CEP63: variants seen among roughly 807,000 people sequenced by gnomAD.
The protein encoded by CEP63 is centrosomal protein 63, also known as centrosomal protein of 63 kDa.
A neutral mutation model predicts 89.1 loss-of-function variants in CEP63; 84 were observed. The observed-to-expected ratio is 0.94, with a 90% CI of 0.79 to 1.13. CEP63 has a LOEUF of 1.13. Among genes scored for constraint, CEP63 ranks in the 50% most tolerant of loss-of-function variants. CEP63 has a pLI of 0.00. For missense variants in CEP63, 838 were observed against 813.3 expected (o/e 1.03, Z -0.37); for synonymous variants, 267 against 272.5 (o/e 0.98, Z 0.20).
chr3:134,603,289 G>C, the CEP63 span: 1 of 288,544 alleles, frequency 3.5e-6, no homozygotes, highest in Admixed American at 5.0e-5. Context: ...ACTAATACGA[G>C]AAGGGGCATC....
the CEP63 span, among the ~76,000 whole-genome samples, chr3:134,703,415 T>C: frequency 0.023 from 3,463 of 152,016 alleles, 108 homozygotes; most frequent in African/African-American, 0.071. Flanking sequence ...GGAAATGTGG[T>C]ACATGTACAC....
the CEP63 span, among the ~76,000 whole-genome samples, chr3:134,637,009 A>G: frequency 6.6e-6 from 1 of 152,346 alleles, no homozygotes; most frequent in Non-Finnish European, 1.5e-5. Context: ...TTCATAGAAT[A>G]ACAATACTGT....
the CEP63 span, among the ~76,000 whole-genome samples, chr3:134,630,862 A>G: frequency 6.6e-6 from 1 of 152,230 alleles, no homozygotes; most frequent in African/African-American, 2.4e-5. Flanking sequence ...AATAGCAAAC[A>G]GTTTTGAGAT....
At chr3:134,610,080 C>T in the CEP63 span, 3 of 1,150,078 alleles carry the variant, frequency 2.6e-6, no homozygotes, top group Admixed American at 2.3e-5. Flanking sequence ...GGCATGGGGC[C>T]TCCTGGCTCT....
the CEP63 span, among the ~76,000 whole-genome samples, chr3:134,665,652 G>GACACACACAC: frequency 3.8e-4 from 36 of 95,818 alleles, no homozygotes; most frequent in Admixed American, 5.4e-4. Context: ...GGAAACAGAG[G>GACACACACAC]ACACACACAC....
At chr3:134,652,785 C>A in the CEP63 span, among the ~76,000 whole-genome samples, 5 of 152,094 alleles carry the variant, frequency 3.3e-5, no homozygotes, top group African/African-American at 9.7e-5. Flanking sequence ...GTCCCAGAGT[C>A]CCCCCAACTA....
chr3:134,529,492 C>T (rs1013246436), intron 3 of CEP63, among the ~76,000 whole-genome samples: 1 of 151,900 alleles, frequency 6.6e-6, no homozygotes, highest in Non-Finnish European at 1.5e-5. Flanking sequence ...AGGCACCTGC[C>T]ACCAGGTCTA....
At chr3:134,646,215 A>G in the CEP63 span, among the ~76,000 whole-genome samples, 1 of 152,150 alleles carries the variant, frequency 6.6e-6, no homozygotes, top group African/African-American at 2.4e-5. Flanking sequence ...TTTGGCGTCT[A>G]CTTCAGTAGA....
the CEP63 span, among the ~76,000 whole-genome samples, chr3:134,641,737 G>T: frequency 1.3e-5 from 2 of 151,864 alleles, no homozygotes; most frequent in Non-Finnish European, 2.9e-5. Flanking sequence ...CCCCATACCC[G>T]CACACACCCC....
At chr3:134,750,120 A>C in the CEP63 span, among the ~76,000 whole-genome samples, 1 of 152,046 alleles carries the variant, frequency 6.6e-6, no homozygotes. Context: ...TGCTTTGGGG[A>C]CTGAATCACC....
At chr3:134,555,496 C>G (rs9758799) in intron 12 of CEP63, among the ~76,000 whole-genome samples, 97,798 of 148,926 alleles carry the variant, frequency 0.66, 32,471 homozygotes, top group East Asian at 0.81. Flanking sequence ...AACAGAGAGC[C>G]AAATCATGAG....
the CEP63 span, among the ~76,000 whole-genome samples, chr3:134,732,149 T>C: frequency 6.6e-6 from 1 of 152,174 alleles, no homozygotes; most frequent in African/African-American, 2.4e-5. Context: ...ATTCCTCTCA[T>C]CATCTGTAAA....
chr3:134,643,828 T>TC, the CEP63 span, among the ~76,000 whole-genome samples: 3 of 104,884 alleles, frequency 2.9e-5, no homozygotes, highest in African/African-American at 9.0e-5. Flanking sequence ...GTCTCCTGCT[T>TC]CTTTTTTTTT....
chr3:134,610,543 T>A, the CEP63 span: 1 of 636,490 alleles, frequency 1.6e-6, no homozygotes, highest in Non-Finnish European at 2.7e-6. Flanking sequence ...CTTGATGGCT[T>A]TTATCTCGGG....
In CEP63 at chr3:134,559,543, G is replaced by A. The variant is rs1187283595; in HGVS notation, c.1953+114G>A. ...TTCCTTACTGATTCTTTTATCATAA[G>A]TACTCTTCATTATTCTTAGGTATCC... On this transcript the variant is annotated intron_variant, in intron 14 of 14. Transcript: ENST00000675561. The A allele has an allele frequency of 4.6e-6, 4 of 872,296 alleles. No individual in the cohort carries two copies. The African/African-American group carries it at 6.8e-5, about 15-fold the overall frequency. 54.0% of individuals were successfully genotyped at this position (872,296 alleles called of 1,614,324 possible).
At chr3:134,733,693 G>T in the CEP63 span, among the ~76,000 whole-genome samples, 1 of 151,654 alleles carries the variant, frequency 6.6e-6, no homozygotes, top group South Asian at 2.1e-4. Flanking sequence ...GAACATCAAG[G>T]ATTGCCAGCA....
the CEP63 span, among the ~76,000 whole-genome samples, chr3:134,633,234 G>A: frequency 6.6e-6 from 1 of 151,988 alleles, no homozygotes; most frequent in Non-Finnish European, 1.5e-5. Context: ...GAAGAGAAGT[G>A]AATGCTTCAT....
chr3:134,707,103 C>T, the CEP63 span, among the ~76,000 whole-genome samples: 28 of 152,308 alleles, frequency 1.8e-4, no homozygotes, highest in South Asian at 4.1e-4. Context: ...TCAACCACTA[C>T]GGTCTCAAAT....
intron 3 of CEP63, among the ~76,000 whole-genome samples, chr3:134,520,882 G>C (rs1157233717): frequency 6.6e-6 from 1 of 152,124 alleles, no homozygotes; most frequent in Admixed American, 6.5e-5. Context: ...TTCAATTCTA[G>C]ATGGATTACG....
Sources: gnomAD v4.1 joint callset for allele counts (sites outside exome capture counted in the v4.1 genomes callset) on GRCh38, gnomAD v4.1.1 for gene constraint, MANE v1.5 for transcripts, NCBI Gene and HGNC (gene_info 2026-07-23, HGNC 2026-07-21) for gene names.